The following KIAA0825 variants were observed in gnomAD, a reference collection of about 807,000 sequenced individuals.
The protein encoded by KIAA0825 is uncharacterized protein KIAA0825.
Under a neutral mutation model 147.6 loss-of-function variants are expected in KIAA0825, and 119 were observed. The observed-to-expected ratio is 0.81, with a 90% CI of 0.69 to 0.94. The LOEUF is 0.94. KIAA0825 is among the 40% of genes least tolerant of loss of function. The probability of loss-of-function intolerance (pLI) is 0.00; values close to 1 mark genes in which losing one functional copy is unlikely to be tolerated. For synonymous variants in KIAA0825, 470 were observed against 518.1 expected, an observed-to-expected ratio of 0.91 and a Z score of 1.26; for missense variants, 1,381 against 1,472.7, an observed-to-expected ratio of 0.94 and a Z score of 1.02.
At chr5:94,439,301 T>C (rs566640330) in intron 14 of KIAA0825, among the ~76,000 whole-genome samples, 12 of 152,192 alleles carry the variant, frequency 7.9e-5, no homozygotes, top group East Asian at 5.8e-4. Context: ...ATAGGAGAGA[T>C]GCACAGGAGT....
At chr5:94,232,431 T>C (rs1774767260) in intron 20 of KIAA0825, among the ~76,000 whole-genome samples, 2 of 152,148 alleles carry the variant, frequency 1.3e-5, no homozygotes, top group African/African-American at 4.8e-5. Flanking sequence ...CCATGGAGAA[T>C]TCTTGTGGAA....
At chr5:94,280,299 C>T (rs1213914389) in intron 20 of KIAA0825, among the ~76,000 whole-genome samples, 1 of 152,028 alleles carries the variant, frequency 6.6e-6, no homozygotes, top group Non-Finnish European at 1.5e-5. Context: ...CTGTACTATA[C>T]CAGAAATACA....
intron 5 of KIAA0825, among the ~76,000 whole-genome samples, chr5:94,485,744 TTAAAA>T (rs1490095323): frequency 1.3e-5 from 2 of 151,796 alleles, no homozygotes; most frequent in African/African-American, 4.8e-5. Flanking sequence ...AAGTCTGAAA[TTAAAA>T]TAAACATTTT....
intron 20 of KIAA0825, among the ~76,000 whole-genome samples, chr5:94,214,466 T>A (rs1773027830): frequency 6.6e-6 from 1 of 152,166 alleles, no homozygotes; most frequent in Non-Finnish European, 1.5e-5. Context: ...CCTCTCCTGA[T>A]GGTAGCATCA....
At chr5:94,309,208 CAT>C (rs1489867460) in intron 20 of KIAA0825, among the ~76,000 whole-genome samples, 4 of 151,768 alleles carry the variant, frequency 2.6e-5, no homozygotes, top group African/African-American at 4.8e-5. Flanking sequence ...ATGCATAAGA[CAT>C]AGTTTTGCCC....
At chr5:94,495,149 C>A (rs1397683803) in intron 5 of KIAA0825, among the ~76,000 whole-genome samples, 1 of 152,082 alleles carries the variant, frequency 6.6e-6, no homozygotes, top group East Asian at 1.9e-4. Flanking sequence ...AAAGAGATAG[C>A]CATGGTGAAA....
intron 20 of KIAA0825, among the ~76,000 whole-genome samples, chr5:94,270,583 G>A (rs1276653996): frequency 6.6e-6 from 1 of 151,732 alleles, no homozygotes; most frequent in Non-Finnish European, 1.5e-5. Context: ...TTCCATTATG[G>A]AACATAATGG....
At chr5:94,530,981 C>T (rs571284084) in intron 3 of KIAA0825, among the ~76,000 whole-genome samples, 13 of 152,336 alleles carry the variant, frequency 8.5e-5, no homozygotes, top group African/African-American at 3.1e-4. Flanking sequence ...CAGGGAGACA[C>T]GTGCTTCCCT....
At chr5:94,525,256 C>T (rs1769049412) in intron 3 of KIAA0825, among the ~76,000 whole-genome samples, 2 of 151,768 alleles carry the variant, frequency 1.3e-5, no homozygotes, top group African/African-American at 4.8e-5. Context: ...GCTTTAGAAA[C>T]CAAGCGCTCA....
chr5:94,614,295 T>C (rs1789779409), intron 1 of KIAA0825, among the ~76,000 whole-genome samples: 1 of 152,212 alleles, frequency 6.6e-6, no homozygotes, highest in Admixed American at 6.5e-5. Context: ...GGTGGGGTCA[T>C]GGGCCACTCT....
intron 20 of KIAA0825, among the ~76,000 whole-genome samples, chr5:94,342,653 A>G (rs1462134451): frequency 6.6e-6 from 1 of 152,202 alleles, no homozygotes; most frequent in Non-Finnish European, 1.5e-5. Flanking sequence ...CTGATGTTTC[A>G]TTATTTATAG....
Position 94,508,777 on chromosome 5 carries a change from C to T in KIAA0825, c.970+11471G>A, listed in dbSNP as rs563601102. 5.3e-5 allele frequency among the ~76,000 whole-genome samples: 8 copies of T among 152,276 alleles called. No individual in the cohort carries two copies. In the South Asian group the frequency reaches 6.2e-4, roughly 12 times the overall value. ...CCTATGTGCTCTGTCTCTCTATTGCCGAGCCTGGCACTAAGCTATTTCCAG... is the reference window on the plus strand; with the variant it reads ...CCTATGTGCTCTGTCTCTCTATTGCTGAGCCTGGCACTAAGCTATTTCCAG... On this transcript the variant is annotated intron_variant, in intron 5 of 20. Transcript: ENST00000682413.
rs1182064066 is a variant in KIAA0825 at position 94,272,132 on chromosome 5, A to C, written c.3710+112236T>G. Among the ~76,000 whole-genome samples, 4 of 129,076 alleles carry C rather than the reference A, an allele frequency of 3.1e-5. 1 individual carries two copies. Among genetic ancestry groups the C allele is most frequent in the African/African-American group, 5.8e-5 (2 of 34,708 alleles). 84.7% of individuals were successfully genotyped at this position (129,076 alleles called of 152,430 possible). The stretch of plus-strand genomic sequence containing the variant: ...AAAAAAAAAAAAAAAAAAAAAAAAA[A>C]CTAAGACAATTGAACTCATGGAGAT... On this transcript the variant is annotated intron_variant, in intron 20 of 20. Transcript: ENST00000682413.
intron 20 of KIAA0825, among the ~76,000 whole-genome samples, chr5:94,314,625 C>T (rs1251387539): frequency 1.3e-5 from 2 of 151,564 alleles, no homozygotes. Flanking sequence ...AAAAAAGTGT[C>T]TTTCTCAGCT....
At position 94,462,275 on chromosome 5, in the gene KIAA0825, C is replaced by T. The variant is rs964734393; in HGVS notation, c.2246+112G>A. ...CCTAGTTCACAGTATCAAAAATGCA[C>T]TTCAGAAGATTTCTACTTGTAACTT... On this transcript the variant is annotated intron_variant, in intron 12 of 20. Transcript: ENST00000682413. 15 of 619,788 alleles carry T rather than the reference C, an allele frequency of 2.4e-5. No individual in the cohort carries two copies. In the African/African-American group the frequency reaches 2.9e-4, roughly 12 times the overall value. 38.4% of individuals were successfully genotyped at this position (619,788 alleles called of 1,614,324 possible). A position where few individuals can be genotyped will look rare whatever the true frequency, so the allele number is the denominator to read the frequency against.
At chr5:94,240,754 T>G (rs993047828) in intron 20 of KIAA0825, among the ~76,000 whole-genome samples, 2 of 152,218 alleles carry the variant, frequency 1.3e-5, no homozygotes, top group Admixed American at 6.5e-5. Flanking sequence ...CTGGCTTAAG[T>G]GAGCAAATGA....
intron 10 of KIAA0825, 65 bp from the exon 11 acceptor site, chr5:94,465,124 T>C (rs1174758467): frequency 1.4e-6 from 2 of 1,439,088 alleles, no homozygotes; most frequent in Admixed American, 2.2e-5. Context: ...TTGCTTCCTA[T>C]GAACGTAATT....
intron 20 of KIAA0825, among the ~76,000 whole-genome samples, chr5:94,179,838 A>G (rs1195019936): frequency 6.6e-6 from 1 of 152,092 alleles, no homozygotes; most frequent in Admixed American, 6.6e-5. Context: ...ATAATAAAAT[A>G]AATATACATG....
Position 94,403,767 on chromosome 5 carries a change from C to T in KIAA0825, c.2689G>A (p.Glu897Lys). The T allele has an allele frequency of 6.4e-7, 1 of 1,551,444 alleles. No individual in the cohort carries two copies. The highest frequency in any genetic ancestry group is 8.7e-7 in the Non-Finnish European group (1 of 1,146,868). The change falls in exon 16 of 21, where the codon GAG becomes AAG. Residue 897 changes from glutamate (E) to lysine (K), a missense_variant. Glu to Lys is a moderately conservative substitution (Grantham distance 56). Transcript: ENST00000682413. ...GCCAGTCTCAAGCATCGGATGACCT[C>T]TAGCTCGTACTCCACGCACGTTGAG... ...PVSTCVEYEL[E>K]VIRCLRLALT...
Sources: allele counts gnomAD v4.1 joint callset (sites outside exome capture counted in the v4.1 genomes callset), GRCh38; gene constraint gnomAD v4.1.1; transcripts MANE v1.5; gene names NCBI Gene and HGNC (gene_info 2026-07-23, HGNC 2026-07-21).